PCDHGB7: variants seen among roughly 807,000 people sequenced by gnomAD.
PCDHGB7 encodes the protein protocadherin gamma-B7.
In PCDHGB7, 37 loss-of-function variants were observed where a neutral mutation model predicts 61.4. The observed-to-expected ratio is 0.60, with a 90% CI of 0.46 to 0.79. The LOEUF (loss-of-function observed/expected upper bound fraction) is 0.79. Among genes scored for constraint, PCDHGB7 ranks in the 30% least tolerant of loss-of-function variants. The pLI is 0.00. For missense variants in PCDHGB7, 1,166 were observed against 1,202.5 expected (o/e 0.97, Z 0.45); for synonymous variants, 464 against 503.5 (o/e 0.92, Z 1.05).
rs561569572 is a variant in PCDHGB7, at chr5:141,512,054, C to A, written c.*881C>A. 6.5e-6 allele frequency: 1 copy of A among 152,828 alleles called. No individual in the cohort carries two copies. The highest frequency in any genetic ancestry group is 1.9e-4 in the East Asian group (1 of 5,184). The allele number at this position is 152,828 out of a possible 1,614,324, so 9.5% of individuals were successfully genotyped here. On this transcript the variant is annotated 3_prime_UTR_variant, in exon 4 of 4. Coordinates refer to ENST00000398594, the MANE Select transcript of PCDHGB7 (RefSeq NM_018927.4). Reference sequence around the variant, plus strand: ...GGAGGCTCTGTATGTCCTCAGGGGACTGACAACATCCTCCAGATTCCAGCC... The same window carrying A: ...GGAGGCTCTGTATGTCCTCAGGGGAATGACAACATCCTCCAGATTCCAGCC...
chr5:141,474,961 A>G (rs1395755491), intron 1 of PCDHGB7, among the ~76,000 whole-genome samples: 1 of 152,254 alleles, frequency 6.6e-6, no homozygotes, highest in South Asian at 2.1e-4. Flanking sequence ...TCACTATCCT[A>G]ATCATTATAA....
Position 141,418,384 on chromosome 5 carries a change from C to T in PCDHGB7, c.525C>T (p.Asn175=), listed in dbSNP as rs774636792. 5 of 1,613,982 alleles carry T rather than the reference C, an allele frequency of 3.1e-6. No homozygotes were observed. In the South Asian group the frequency reaches 4.4e-5, roughly 14 times the overall value. ...TGAGCAAATACCAACTAAGTCCTAA[C>T]GAGTATTTCTCATTGGTGGAGAAAG... is the stretch of plus-strand genomic sequence containing the variant. ...NSLSKYQLSP[N]EYFSLVEKDN... is the part of the protein sequence containing the mutation. Residue 175 remains asparagine, a synonymous_variant, in exon 1 of 4, where the codon AAC becomes AAT. Coordinates refer to ENST00000398594, the MANE Select transcript of PCDHGB7 (RefSeq NM_018927.4).
rs369940443 is a variant in PCDHGB7, at chr5:141,477,841, C to G, written c.2416-16966C>G. 6.2e-7 allele frequency: 1 copy of G among 1,613,308 alleles called. No individual in the cohort carries two copies. The highest frequency in any genetic ancestry group is 1.3e-5 in the African/African-American group (1 of 74,700). On this transcript the variant is annotated intron_variant, in intron 1 of 3. Coordinates refer to ENST00000398594, the MANE Select transcript of PCDHGB7 (RefSeq NM_018927.4). The surrounding 1 kb of genome is among the most constrained non-coding windows in gnomAD (Gnocchi z 4.9). ...TCCTATATCCTCGGCCAGGTGGGAG[C>G]TCGGTGGAGATGCTGCCTCGAGGTA...
At chr5:141,437,042 A>G (rs1355358776) in intron 1 of PCDHGB7, among the ~76,000 whole-genome samples, 1 of 152,264 alleles carries the variant, frequency 6.6e-6, no homozygotes, top group Non-Finnish European at 1.5e-5. Context: ...CACCGAAACC[A>G]GAAGGCTGGT....
chr5:141,497,110 C>T (rs964183820), intron 2 of PCDHGB7, among the ~76,000 whole-genome samples: 2 of 151,738 alleles, frequency 1.3e-5, no homozygotes, highest in African/African-American at 2.4e-5. Context: ...TGCTTGAACC[C>T]GGAAGGCAGA....
intron 1 of PCDHGB7, chr5:141,440,868 T>G (rs1288344051): frequency 3.9e-5 from 6 of 152,150 alleles, no homozygotes; most frequent in Non-Finnish European, 1.5e-5. Context: ...ATCTAGGATG[T>G]GTACAGCGTC....
chr5:141,448,966 A>G (rs981772425), intron 1 of PCDHGB7, among the ~76,000 whole-genome samples: 5 of 152,118 alleles, frequency 3.3e-5, no homozygotes, highest in Non-Finnish European at 7.4e-5. Context: ...CAAACAAACA[A>G]AAAAGAACTT....
Position 141,436,609 on chromosome 5 carries a change from A to G in PCDHGB7, c.2415+16335A>G, listed in dbSNP as rs182981534. On this transcript the variant is annotated intron_variant, in intron 1 of 3. Coordinates refer to ENST00000398594, the MANE Select transcript of PCDHGB7 (RefSeq NM_018927.4). ...AAAGGTCGTGGTGATGGCTAGGGCT[A>G]ACAAAAATCTGATTCACAACATGCA... Among the ~76,000 whole-genome samples, 5 of 152,334 alleles carry G rather than the reference A, an allele frequency of 3.3e-5. No homozygotes were observed. The East Asian group carries it at 5.8e-4, about 18-fold the overall frequency.
intron 1 of PCDHGB7, chr5:141,478,342 G>T (rs1489278202): frequency 6.2e-7 from 1 of 1,613,862 alleles, no homozygotes; most frequent in Non-Finnish European, 8.5e-7. Flanking sequence ...GGCCCTCCTT[G>T]CACGCGGACG....
At chr5:141,422,645 TCTCAGTGAC>T in intron 1 of PCDHGB7, 2 of 1,612,232 alleles carry the variant, frequency 1.2e-6, no homozygotes, top group Non-Finnish European at 1.7e-6. Flanking sequence ...GCCTCCATCT[TCTCAGTGAC>T]CGCCCTCGAC....
At chr5:141,434,515 G>A (rs1032584764) in intron 1 of PCDHGB7, among the ~76,000 whole-genome samples, 1 of 152,296 alleles carries the variant, frequency 6.6e-6, no homozygotes, top group African/African-American at 2.4e-5. Context: ...CTGCTTAAAG[G>A]TGTTCTTAAA....
intron 1 of PCDHGB7, chr5:141,478,809 C>G: frequency 6.9e-7 from 1 of 1,453,454 alleles, no homozygotes; most frequent in Non-Finnish European, 9.0e-7. Flanking sequence ...CTTTTGCTAT[C>G]ACAACTAACC....
rs543116266 is a variant in PCDHGB7 at position 141,474,428 on chromosome 5, C to A, written c.2416-20379C>A. 3.9e-5 allele frequency among the ~76,000 whole-genome samples: 6 copies of A among 152,346 alleles called. 1 individual carries two copies. In the South Asian group the frequency reaches 1.0e-3, roughly 26 times the overall value. On this transcript the variant is annotated intron_variant, in intron 1 of 3. Coordinates refer to ENST00000398594, the MANE Select transcript of PCDHGB7 (RefSeq NM_018927.4). ...CGGTGATGCCTAGACCATTGGTCCT[C>A]ACACTTTGAGTAGCAAGTGATTGGG...
chr5:141,433,277 T>G, intron 1 of PCDHGB7: 1 of 1,231,982 alleles, frequency 8.1e-7, no homozygotes. Flanking sequence ...CACTGCAGCC[T>G]CAAACTCCTA....
At chr5:141,444,299 G>A (rs1017908182) in intron 1 of PCDHGB7, among the ~76,000 whole-genome samples, 20 of 150,672 alleles carry the variant, frequency 1.3e-4, no homozygotes, top group Non-Finnish European at 2.7e-4. Context: ...AGCCTCCCTA[G>A]TAGCTAGGAT....
intron 1 of PCDHGB7, among the ~76,000 whole-genome samples, chr5:141,447,863 A>G (rs553375129): frequency 6.6e-6 from 1 of 152,254 alleles, no homozygotes; most frequent in East Asian, 1.9e-4. Flanking sequence ...AGGTGGGTGA[A>G]TCATCTGAGG....
rs771804151 is a variant in PCDHGB7, at chr5:141,486,704, A to G, written c.2416-8103A>G. On this transcript the variant is annotated intron_variant, in intron 1 of 3. Coordinates refer to ENST00000398594, the MANE Select transcript of PCDHGB7 (RefSeq NM_018927.4). The surrounding 1 kb of genome is among the most constrained non-coding windows in gnomAD (Gnocchi z 5.0). ...ATCAGCTTCCTCTTTCATCTCTCTG[A>G]ACCCCCAGACAGGAGCTGTTCATGC... 2.2e-5 allele frequency: 35 copies of G among 1,614,016 alleles called. No homozygotes were observed. Among genetic ancestry groups the G allele is most frequent in the Non-Finnish European group, 2.7e-5 (32 of 1,180,032 alleles).
At chr5:141,467,901 C>T (rs1484485803) in intron 1 of PCDHGB7, among the ~76,000 whole-genome samples, 7 of 152,034 alleles carry the variant, frequency 4.6e-5, no homozygotes, top group Admixed American at 1.3e-4. Flanking sequence ...TCAAGAAATC[C>T]GCCCACCTCA....
Position 141,476,387 on chromosome 5 carries a change from C to G in PCDHGB7, c.2416-18420C>G, listed in dbSNP as rs147660262. Reference sequence around the variant, plus strand: ...GACCGGAGAGATGTTTGTGAACGACCGTCTGGATCGAGAGGAGCTGTGTGG... The same window carrying G: ...GACCGGAGAGATGTTTGTGAACGACGGTCTGGATCGAGAGGAGCTGTGTGG... On this transcript the variant is annotated intron_variant, in intron 1 of 3. Coordinates refer to ENST00000398594, the MANE Select transcript of PCDHGB7 (RefSeq NM_018927.4). The surrounding 1 kb of genome is among the most constrained non-coding windows in gnomAD (Gnocchi z 7.6). 3.6e-4 allele frequency: 587 copies of G among 1,614,076 alleles called. No individual in the cohort carries two copies. The highest frequency in any genetic ancestry group is 4.7e-4 in the Non-Finnish European group (549 of 1,180,024).
Sources: gnomAD v4.1 joint callset for allele counts (sites outside exome capture counted in the v4.1 genomes callset) on GRCh38, gnomAD v4.1.1 for gene constraint, Gnocchi (gnomAD v3.1) non-coding constraint, MANE v1.5 for transcripts, NCBI Gene and HGNC (gene_info 2026-07-23, HGNC 2026-07-21) for gene names.